Variants in ADAM11 observed in about 807,000 individuals in gnomAD.
ADAM11 encodes the protein disintegrin and metalloproteinase domain-containing protein 11.
A neutral mutation model predicts 119.1 loss-of-function variants in ADAM11; 49 were observed. That is an observed-to-expected ratio of 0.41 (90% CI 0.33 to 0.52). ADAM11 has a LOEUF of 0.52. Among genes scored for constraint, ADAM11 ranks in the 20% least tolerant of loss-of-function variants. The pLI is 0.20. For missense variants in ADAM11, 777 were observed against 1,047.5 expected, an observed-to-expected ratio of 0.74 and a Z score of 3.56; for synonymous variants, 364 against 408.0, an observed-to-expected ratio of 0.89 and a Z score of 1.30.
Position 44,780,831 on chromosome 17 carries a change from C to T in ADAM11, c.*1077C>T, listed in dbSNP as rs1415608787. On this transcript the variant is annotated 3_prime_UTR_variant, in exon 27 of 27. Transcript: ENST00000200557. ...CTAGGCTGCTAGAAGTCCTTAAGGC[C>T]CCATCTAGTCCATTCCACTCCCTAC... 6.5e-6 allele frequency: 1 copy of T among 152,834 alleles called. No homozygotes were observed. Among genetic ancestry groups the T allele is most frequent in the Non-Finnish European group, 1.5e-5 (1 of 68,270 alleles). The allele number at this position is 152,834 out of a possible 1,614,324, so 9.5% of individuals were successfully genotyped here.
intron 2 of ADAM11, among the ~76,000 whole-genome samples, chr17:44,761,207 C>CGACTGCT (rs1212034834): frequency 6.6e-6 from 1 of 152,012 alleles, no homozygotes; most frequent in Admixed American, 6.6e-5. Context: ...ATGGTCTGCC[C>CGACTGCT]GACTGCTGGG....
At chr17:44,779,543 G>A (rs1024470252) in intron 26 of ADAM11, 196 bp from the exon 27 acceptor site, 5 of 985,200 alleles carry the variant, frequency 5.1e-6, no homozygotes, top group Non-Finnish European at 4.8e-6. Flanking sequence ...CCATCCCCGG[G>A]AGGGCCCTCC....
chr17:44,776,852 A>G lies in ADAM11; in HGVS notation c.1618-47A>G. On this transcript the variant is annotated intron_variant, in intron 19 of 26. Transcript: ENST00000200557. The surrounding 1 kb of genome is among the most constrained non-coding windows in gnomAD (Gnocchi z 5.2). ...AGGGCAGTCTCTTGTCTCCACTCTG[A>G]CCACTCAGCATCTCCATCCCTTGCC... The G allele has an allele frequency of 1.2e-6, 2 of 1,613,850 alleles. No homozygotes were observed. Among genetic ancestry groups the G allele is most frequent in the Non-Finnish European group, 1.7e-6 (2 of 1,179,838 alleles).
intron 2 of ADAM11, among the ~76,000 whole-genome samples, chr17:44,761,348 G>A (rs1435635744): frequency 6.6e-6 from 1 of 152,162 alleles, no homozygotes; most frequent in East Asian, 1.9e-4. Context: ...AACTGGGCAG[G>A]TTGCTCCTTC....
intron 2 of ADAM11, among the ~76,000 whole-genome samples, 191 bp from the exon 3 acceptor site, chr17:44,769,527 C>T (rs1301394681): frequency 2.0e-5 from 3 of 152,232 alleles, no homozygotes; most frequent in African/African-American, 7.2e-5. Context: ...CTGCCTCTGC[C>T]CACTAGTAAA....
Position 44,759,902 on chromosome 17 carries a change from G to A in ADAM11, c.237+5G>A. On this transcript the variant is annotated splice_donor_5th_base_variant and intron_variant, in intron 2 of 26. Coordinates refer to ENST00000200557, the MANE Select transcript of ADAM11 (RefSeq NM_002390.6). Reference sequence around the variant, plus strand: ...CAGGAGCCACCAGGGGGCCCGGTGAGTGGGGCTGGGTGGTGAGGCCAGGGG... The same window carrying A: ...CAGGAGCCACCAGGGGGCCCGGTGAATGGGGCTGGGTGGTGAGGCCAGGGG... The A allele has an allele frequency of 7.8e-7, 1 of 1,283,910 alleles. No individual in the cohort carries two copies. The allele number at this position is 1,283,910 out of a possible 1,614,324, so 79.5% of individuals were successfully genotyped here. A position where few individuals can be genotyped will look rare whatever the true frequency, so the allele number is the denominator to read the frequency against.
chr17:44,760,894 T>G (rs2049381034), intron 2 of ADAM11, among the ~76,000 whole-genome samples: 1 of 147,018 alleles, frequency 6.8e-6, no homozygotes. Context: ...GGATGCGGGG[T>G]GGTGCAGGGG....
rs562721351 is a variant in ADAM11, at chr17:44,779,984, C to G, written c.*230C>G. The G allele has an allele frequency of 7.0e-6, 5 of 716,524 alleles. No homozygotes were observed. The highest frequency in any genetic ancestry group is 1.3e-5 in the Non-Finnish European group (5 of 398,618). The allele number at this position is 716,524 out of a possible 1,614,324, so 44.4% of individuals were successfully genotyped here. A position where few individuals can be genotyped will look rare whatever the true frequency, so the allele number is the denominator to read the frequency against. On this transcript the variant is annotated 3_prime_UTR_variant, in exon 27 of 27. Transcript: ENST00000200557. The stretch of plus-strand genomic sequence containing the variant: ...TCCACAGTCCCCCACCCACCTCCTG[C>G]GGCTCAGCCTTGCACACCCACTGCC...
intron 2 of ADAM11, among the ~76,000 whole-genome samples, chr17:44,768,586 G>T (rs970768545): frequency 4.6e-5 from 7 of 152,142 alleles, no homozygotes; most frequent in Non-Finnish European, 8.8e-5. Context: ...ATCCCATAGG[G>T]TTGCTGCGAA....
Position 44,776,092 on chromosome 17 carries a change from TCCTG to T in ADAM11, c.1486-30_1486-27del. On this transcript the variant is annotated intron_variant, in intron 17 of 26. Transcript: ENST00000200557. This position sits in a 1 kb window ranked among gnomAD's most constrained non-coding sequence, Gnocchi z 5.2. ...GGGGAGGGCAGGGCCGAGGCATCCA[TCCTG>T]CCTGACTCGAGGAGCGCGTCTCTTC... is the stretch of plus-strand genomic sequence containing the variant. The T allele has an allele frequency of 6.2e-7, 1 of 1,610,012 alleles. No homozygotes were observed. Among genetic ancestry groups the T allele is most frequent in the Non-Finnish European group, 8.5e-7 (1 of 1,177,160 alleles).
chr17:44,769,671 T>A, intron 2 of ADAM11, 47 bp from the exon 3 acceptor site: 1 of 1,386,452 alleles, frequency 7.2e-7, no homozygotes, highest in Admixed American at 1.7e-5. Flanking sequence ...GACTCCCACC[T>A]TCAGGCCTCC....
At position 44,772,317 on chromosome 17, in the gene ADAM11, C is replaced by T. The variant is rs368905137; in HGVS notation, c.594C>T (p.Leu198=). 1.9e-5 allele frequency: 25 copies of T among 1,311,432 alleles called. No individual in the cohort carries two copies. Among genetic ancestry groups the T allele is most frequent in the Admixed American group, 9.6e-5 (5 of 51,822 alleles). The allele number at this position is 1,311,432 out of a possible 1,614,324, so 81.2% of individuals were successfully genotyped here. A position where few individuals can be genotyped will look rare whatever the true frequency, so the allele number is the denominator to read the frequency against. ...GGACCCCTCTCCTCCCAGATCCCCT[C>T]GGATGCAGGGAACCAGGTAAGGGAG... ...IYRTPLLPDP[L]GCREPGCLFA... Residue 198 remains leucine (L), a synonymous_variant, in exon 7 of 27, where the codon CTC becomes CTT. Coordinates refer to ENST00000200557, the MANE Select transcript of ADAM11 (RefSeq NM_002390.6). The surrounding 1 kb of genome is among the most constrained non-coding windows in gnomAD (Gnocchi z 4.5).
In ADAM11 at chr17:44,773,984, G is replaced by A. The variant is rs1029650657; in HGVS notation, c.993-311G>A. Among the ~76,000 whole-genome samples the A allele has an allele frequency of 2.0e-5, 3 of 152,184 alleles. No homozygotes were observed. Among genetic ancestry groups the A allele is most frequent in the Non-Finnish European group, 4.4e-5 (3 of 68,032 alleles). On this transcript the variant is annotated intron_variant, in intron 11 of 26. Coordinates refer to ENST00000200557, the MANE Select transcript of ADAM11 (RefSeq NM_002390.6). The surrounding 1 kb of genome is among the most constrained non-coding windows in gnomAD (Gnocchi z 4.6). Reference sequence around the variant, plus strand: ...TGTGCACCTGTAGTCCCAGCTACTCGGGAGGCTGAGGCAGGAGAATCGTTT... The same window carrying A: ...TGTGCACCTGTAGTCCCAGCTACTCAGGAGGCTGAGGCAGGAGAATCGTTT...
chr17:44,774,603 C>A (rs374170495), intron 13 of ADAM11, 21 bp downstream of exon 13: 2 of 1,609,160 alleles, frequency 1.2e-6, no homozygotes, highest in Non-Finnish European at 1.7e-6. Flanking sequence ...CCAGAGGCCC[C>A]CGTGTGGCCC....
At position 44,779,866 on chromosome 17, in the gene ADAM11, A is replaced by T. The variant is rs1267075214; in HGVS notation, c.*112A>T. The T allele has an allele frequency of 7.0e-7, 1 of 1,435,134 alleles. No individual in the cohort carries two copies. The highest frequency in any genetic ancestry group is 1.4e-5 in the African/African-American group (1 of 70,720). 88.9% of individuals were successfully genotyped at this position (1,435,134 alleles called of 1,614,324 possible). A position where few individuals can be genotyped will look rare whatever the true frequency, so the allele number is the denominator to read the frequency against. ...CCATGCAAATGTCTTCCAGGTCCAA[A>T]CCCTTCAACTCCTGGCTCCGCAGGG... On this transcript the variant is annotated 3_prime_UTR_variant, in exon 27 of 27. Coordinates refer to ENST00000200557, the MANE Select transcript of ADAM11 (RefSeq NM_002390.6).
intron 2 of ADAM11, among the ~76,000 whole-genome samples, chr17:44,762,255 A>C (rs1476253516): frequency 2.0e-5 from 3 of 152,230 alleles, no homozygotes; most frequent in African/African-American, 7.2e-5. Flanking sequence ...GGCACTTCCC[A>C]GTTCTGCCTC....
At chr17:44,760,003 G>A (rs917243485) in intron 2 of ADAM11, 106 bp downstream of exon 2, 119 of 1,137,680 alleles carry the variant, frequency 1.0e-4, no homozygotes, top group Non-Finnish European at 1.2e-4. Flanking sequence ...CTGCCCCGCA[G>A]GGTCCCCTTC....
At chr17:44,761,036 G>T (rs982993396) in intron 2 of ADAM11, among the ~76,000 whole-genome samples, 1 of 151,494 alleles carries the variant, frequency 6.6e-6, no homozygotes, top group Admixed American at 6.6e-5. Flanking sequence ...GGGGTGGGGT[G>T]GGGGGTGGAA....
chr17:44,773,283 C>G lies in ADAM11; in HGVS notation c.848C>G (p.Thr283Ser). ...CAGATATACAAGGAGCAGCTCAACACTCGCATCGTCCTGGTTGCCATGGAA... is the reference window on the plus strand; with the variant it reads ...CAGATATACAAGGAGCAGCTCAACAGTCGCATCGTCCTGGTTGCCATGGAA... ...ADVIYKEQLN[T>S]RIVLVAMETW... Residue 283 changes from threonine to serine, a missense_variant, in exon 11 of 27, where the codon ACT becomes AGT. Transcript: ENST00000200557. This position sits in a 1 kb window ranked among gnomAD's most constrained non-coding sequence, Gnocchi z 4.6. 1 of 1,614,044 alleles carries G rather than the reference C, an allele frequency of 6.2e-7. No individual in the cohort carries two copies. The highest frequency in any genetic ancestry group is 8.5e-7 in the Non-Finnish European group (1 of 1,179,990).
Sources: gnomAD v4.1 joint callset for allele counts (sites outside exome capture counted in the v4.1 genomes callset) on GRCh38, gnomAD v4.1.1 for gene constraint, Gnocchi (gnomAD v3.1) non-coding constraint, MANE v1.5 for transcripts, NCBI Gene and HGNC (gene_info 2026-07-23, HGNC 2026-07-21) for gene names.